Variants in FAF1 observed in about 807,000 individuals in gnomAD.
FAF1 encodes the protein FAS-associated factor 1.
FAF1 carries 25 observed loss-of-function variants against 92.5 expected under a neutral mutation model. The observed-to-expected ratio is 0.27, with a 90% CI of 0.20 to 0.38. The LOEUF is 0.38. FAF1 is among the 10% of genes least tolerant of loss of function. The pLI, the probability that FAF1 is intolerant of heterozygous loss-of-function variation, is 1.00. For missense variants in FAF1, 636 were observed against 793.3 expected (o/e 0.80, Z 2.38); for synonymous variants, 234 against 273.2 (o/e 0.86, Z 1.42).
intron 2 of FAF1, among the ~76,000 whole-genome samples, chr1:50,807,591 G>C (rs1259317685): frequency 1.3e-5 from 2 of 152,102 alleles, no homozygotes; most frequent in Non-Finnish European, 2.9e-5. Flanking sequence ...ATTCAACATG[G>C]GATTTGGGTG....
At chr1:50,869,356 T>C (rs1376857774) in intron 1 of FAF1, among the ~76,000 whole-genome samples, 1 of 152,152 alleles carries the variant, frequency 6.6e-6, no homozygotes, top group Admixed American at 6.5e-5. Context: ...TTATATTTCA[T>C]GTAATTATTA....
At chr1:50,729,050 A>ATTTTT (rs1557497182) in intron 6 of FAF1, among the ~76,000 whole-genome samples, 2 of 95,846 alleles carry the variant, frequency 2.1e-5, no homozygotes, top group African/African-American at 8.9e-5. Context: ...ATATATATAT[A>ATTTTT]TATATATATT....
rs116442133 is a variant in FAF1, at chr1:50,706,098, G to T, written c.552-207C>A. 585 of 447,536 alleles carry T rather than the reference G, an allele frequency of 1.3e-3. 6 individuals carry two copies. Among genetic ancestry groups the T allele is most frequent in the African/African-American group, 0.01 (517 of 51,516 alleles). 27.7% of individuals were successfully genotyped at this position (447,536 alleles called of 1,614,324 possible). A position where few individuals can be genotyped will look rare whatever the true frequency, so the allele number is the denominator to read the frequency against. ...ACCTGTTAACTCTTTCTCTACCAAG[G>T]TGTTTTTAAATTTCAAGTCTAAATG... On this transcript the variant is annotated intron_variant, in intron 6 of 18. Transcript: ENST00000396153.
intron 2 of FAF1, among the ~76,000 whole-genome samples, chr1:50,845,500 C>G (rs1051076544): frequency 8.5e-5 from 13 of 152,088 alleles, no homozygotes; most frequent in Non-Finnish European, 8.8e-5. Flanking sequence ...AATTGCCCAC[C>G]ACCATGTACA....
At chr1:50,667,800 T>C (rs890085526) in intron 7 of FAF1, among the ~76,000 whole-genome samples, 1 of 152,228 alleles carries the variant, frequency 6.6e-6, no homozygotes, top group African/African-American at 2.4e-5. Flanking sequence ...GAAAAGACCA[T>C]TGCTTCTACA....
At chr1:50,444,345 T>C (rs1332931923) in intron 18 of FAF1, among the ~76,000 whole-genome samples, 1 of 152,160 alleles carries the variant, frequency 6.6e-6, no homozygotes, top group Non-Finnish European at 1.5e-5. Context: ...GATATCTCCC[T>C]GGAGAGGGGG....
At chr1:50,600,338 T>G (rs981358360) in intron 8 of FAF1, among the ~76,000 whole-genome samples, 4 of 152,172 alleles carry the variant, frequency 2.6e-5, no homozygotes, top group Non-Finnish European at 5.9e-5. Flanking sequence ...ATTCTCCAAA[T>G]GAACAGTGAT....
intron 7 of FAF1, among the ~76,000 whole-genome samples, chr1:50,692,241 C>CTGTGTGTG (rs59187392): frequency 0.04 from 5,172 of 128,974 alleles, 136 homozygotes; most frequent in East Asian, 0.054. Context: ...GAAGTATTTA[C>CTGTGTGTG]TGTGTGTGTG....
intron 7 of FAF1, among the ~76,000 whole-genome samples, chr1:50,676,097 T>C (rs1227357217): frequency 6.6e-6 from 1 of 152,152 alleles, no homozygotes; most frequent in African/African-American, 2.4e-5. Flanking sequence ...TGGAAATCAA[T>C]CATATGAACA....
intron 15 of FAF1, among the ~76,000 whole-genome samples, chr1:50,511,322 T>C (rs1051851469): frequency 6.6e-5 from 10 of 152,176 alleles, no homozygotes; most frequent in African/African-American, 2.4e-4. Context: ...GGTATACACA[T>C]GCCATTGTGG....
chr1:50,583,761 AAT>A lies in FAF1; in HGVS notation c.968-48_968-47del, dbSNP rs1188677523. On this transcript the variant is annotated intron_variant, in intron 10 of 18. Transcript: ENST00000396153. This position sits in a 1 kb window ranked among gnomAD's most constrained non-coding sequence, Gnocchi z 4.2. Reference sequence around the variant, plus strand: ...AAAACAAAAACAAAAAAACAAAACAAATAGACACAAAAACAAACCACATAACA... The same window carrying A: ...AAAACAAAAACAAAAAAACAAAACAAAGACACAAAAACAAACCACATAACA... 15 of 1,297,878 alleles carry A rather than the reference AAT, an allele frequency of 1.2e-5. 1 individual carries two copies. In the Middle Eastern group the frequency reaches 1.9e-3, roughly 161 times the overall value. The allele number at this position is 1,297,878 out of a possible 1,614,324, so 80.4% of individuals were successfully genotyped here.
chr1:50,588,828 G>C (rs1353079174), intron 9 of FAF1, among the ~76,000 whole-genome samples: 1 of 152,254 alleles, frequency 6.6e-6, no homozygotes, highest in Non-Finnish European at 1.5e-5. Flanking sequence ...ACATCCTCTG[G>C]TGTAGAGGCT....
At chr1:50,762,932 C>CCTA (rs1660388903) in intron 4 of FAF1, among the ~76,000 whole-genome samples, 1 of 152,074 alleles carries the variant, frequency 6.6e-6, no homozygotes, top group African/African-American at 2.4e-5. Context: ...ATTTTCACAA[C>CCTA]CTACTCATCT....
intron 8 of FAF1, among the ~76,000 whole-genome samples, chr1:50,614,907 A>G (rs528376331): frequency 2.0e-5 from 3 of 151,324 alleles, no homozygotes; most frequent in African/African-American, 7.2e-5. Context: ...TGTGAGCATG[A>G]TTTATTTTTA....
intron 8 of FAF1, among the ~76,000 whole-genome samples, chr1:50,621,765 C>T (rs1283320057): frequency 6.6e-6 from 1 of 152,058 alleles, no homozygotes; most frequent in Admixed American, 6.5e-5. Flanking sequence ...AGATGAGGAG[C>T]CCTGGAGGGT....
At chr1:50,912,918 TACA>T (rs1644896238) in intron 1 of FAF1, among the ~76,000 whole-genome samples, 1 of 152,234 alleles carries the variant, frequency 6.6e-6, no homozygotes, top group Non-Finnish European at 1.5e-5. Context: ...CTATGTTTCA[TACA>T]ACATTCCCTT....
intron 2 of FAF1, among the ~76,000 whole-genome samples, chr1:50,809,972 T>C (rs1018241635): frequency 3.3e-5 from 5 of 152,136 alleles, no homozygotes; most frequent in African/African-American, 7.2e-5. Flanking sequence ...CACAAATCAA[T>C]TGGCTTGGCG....
intron 13 of FAF1, among the ~76,000 whole-genome samples, chr1:50,554,586 A>G (rs1399279924): frequency 6.6e-6 from 1 of 152,074 alleles, no homozygotes. Context: ...ACAAAACGAA[A>G]GAGGAAGAAA....
chr1:50,568,901 T>C (rs949837216), intron 12 of FAF1, among the ~76,000 whole-genome samples: 3 of 152,154 alleles, frequency 2.0e-5, no homozygotes, highest in African/African-American at 4.8e-5. Context: ...GCAGGACTCC[T>C]GGGTATAAGT....
Sources: gnomAD v4.1 joint callset for allele counts (sites outside exome capture counted in the v4.1 genomes callset) on GRCh38, gnomAD v4.1.1 for gene constraint, Gnocchi (gnomAD v3.1) non-coding constraint, MANE v1.5 for transcripts, NCBI Gene and HGNC (gene_info 2026-07-23, HGNC 2026-07-21) for gene names.